CAV1: variants seen among roughly 807,000 people sequenced by gnomAD.
CAV1 encodes caveolin-1.
In CAV1, 10 loss-of-function variants were observed where a neutral mutation model predicts 16.5. That is an observed-to-expected ratio of 0.61 (90% CI 0.37 to 1.03). The LOEUF is 1.03. Among genes scored for constraint, CAV1 ranks in the 50% least tolerant of loss-of-function variants. The pLI is 0.01. For synonymous variants in CAV1, 76 were observed against 85.1 expected, an observed-to-expected ratio of 0.89 and a Z score of 0.59; for missense variants, 212 against 232.8, an observed-to-expected ratio of 0.91 and a Z score of 0.58.
In CAV1 at chr7:116,559,644, C is replaced by T. The variant is rs1198519383; in HGVS notation, c.*357C>T. ...AAAAAAAAAAGAAAAGAACCAACAA[C>T]CTCAACTGCCTACTCCAAAATGTTG... On this transcript the variant is annotated 3_prime_UTR_variant, in exon 3 of 3. Transcript: ENST00000341049. 2.1e-5 allele frequency: 11 copies of T among 530,460 alleles called. No homozygotes were observed. The highest frequency in any genetic ancestry group is 3.3e-5 in the Non-Finnish European group (10 of 306,828). 32.9% of individuals were successfully genotyped at this position (530,460 alleles called of 1,614,324 possible).
rs1372579531 is a variant in CAV1 at position 116,559,220 on chromosome 7, A to T, written c.470A>T (p.Asp157Val). ...TCCATCTACGTCCACACCGTCTGTG[A>T]CCCACTCTTTGAAGCTGTTGGGAAA... ...VYSIYVHTVC[D>V]PLFEAVGKIF... Residue 157 changes from aspartate (D) to valine (V), a missense_variant, in exon 3 of 3, where the codon GAC (aspartate) becomes GTC (valine). By Grantham distance (152) the Asp-to-Val change is radical. Transcript: ENST00000341049. 6.2e-7 allele frequency: 1 copy of T among 1,613,990 alleles called. No individual in the cohort carries two copies. The highest frequency in any genetic ancestry group is 8.5e-7 in the Non-Finnish European group (1 of 1,179,910).
At chr7:116,533,686 C>T (rs1793733680) in intron 2 of CAV1, among the ~76,000 whole-genome samples, 1 of 152,156 alleles carries the variant, frequency 6.6e-6, no homozygotes, top group Admixed American at 6.5e-5. Context: ...TTTCTTTATG[C>T]AGATTCCTTC....
At chr7:116,526,330 C>G in intron 1 of CAV1, 195 bp from the exon 2 acceptor site, 3 of 1,456,936 alleles carry the variant, frequency 2.1e-6, no homozygotes, top group Non-Finnish European at 2.7e-6. Context: ...GCGAGATCCT[C>G]TTAAAAAGCT....
chr7:116,536,169 G>C (rs1562830777), intron 2 of CAV1, among the ~76,000 whole-genome samples: 1 of 152,076 alleles, frequency 6.6e-6, no homozygotes, highest in Non-Finnish European at 1.5e-5. Flanking sequence ...TAGGAGATTG[G>C]GAGGACAAGA....
At chr7:116,557,588 G>C (rs965093453) in intron 2 of CAV1, among the ~76,000 whole-genome samples, 1 of 152,158 alleles carries the variant, frequency 6.6e-6, no homozygotes, top group Non-Finnish European at 1.5e-5. Flanking sequence ...TTAATTGTTT[G>C]GGTGAACATG....
intron 2 of CAV1, among the ~76,000 whole-genome samples, chr7:116,555,544 GAAAGAAAGAAAGAAAGAA>G (rs1562838377): frequency 9.5e-5 from 2 of 21,004 alleles, no homozygotes; most frequent in South Asian, 3.3e-3. Context: ...GAGAGAGAGA[GAAAGAAAGAAAGAAAGAA>G]AGAAAGAAAG....
At chr7:116,527,725 C>T (rs1404314002) in intron 2 of CAV1, among the ~76,000 whole-genome samples, 1 of 152,164 alleles carries the variant, frequency 6.6e-6, no homozygotes, top group East Asian at 1.9e-4. Flanking sequence ...TCCTATACAA[C>T]CCCCAGCAAT....
intron 2 of CAV1, among the ~76,000 whole-genome samples, chr7:116,548,808 C>T (rs566080819): frequency 6.6e-6 from 1 of 152,260 alleles, no homozygotes; most frequent in South Asian, 2.1e-4. Flanking sequence ...TAATACCTGC[C>T]TTGCAGGTCC....
At chr7:116,531,450 A>G (rs1793684352) in intron 2 of CAV1, among the ~76,000 whole-genome samples, 2 of 152,254 alleles carry the variant, frequency 1.3e-5, no homozygotes, top group South Asian at 4.1e-4. Flanking sequence ...TTTTGGTTAT[A>G]GTACAAAGGT....
chr7:116,537,600 C>T (rs1448929216), intron 2 of CAV1, among the ~76,000 whole-genome samples: 1 of 152,170 alleles, frequency 6.6e-6, no homozygotes, highest in African/African-American at 2.4e-5. Flanking sequence ...TAACCACTGT[C>T]CTCCAGTGCC....
intron 2 of CAV1, 48 bp from the exon 3 acceptor site, chr7:116,558,898 C>A: frequency 9.2e-6 from 13 of 1,409,464 alleles, no homozygotes; most frequent in Non-Finnish European, 1.3e-5. Flanking sequence ...GGTTTTTTTT[C>A]TCTTTTCTTC....
intron 2 of CAV1, among the ~76,000 whole-genome samples, chr7:116,540,789 A>C (rs967997387): frequency 6.6e-6 from 1 of 152,252 alleles, no homozygotes; most frequent in South Asian, 2.1e-4. Flanking sequence ...CAGATATGTT[A>C]AGTAGGCAAC....
intron 2 of CAV1, among the ~76,000 whole-genome samples, chr7:116,546,288 A>G (rs966678466): frequency 1.5e-4 from 23 of 152,140 alleles, no homozygotes; most frequent in Admixed American, 3.9e-4. Flanking sequence ...GTGATAATGA[A>G]CACGTGAGGC....
chr7:116,538,091 C>T (rs567090761), intron 2 of CAV1, among the ~76,000 whole-genome samples: 2 of 152,198 alleles, frequency 1.3e-5, no homozygotes, highest in South Asian at 4.1e-4. Flanking sequence ...CTGACAGGTA[C>T]TTTGCACTAA....
intron 2 of CAV1, among the ~76,000 whole-genome samples, chr7:116,555,213 C>T (rs1794233897): frequency 6.6e-6 from 1 of 151,918 alleles, no homozygotes; most frequent in Non-Finnish European, 1.5e-5. Context: ...GAGGCCAAGG[C>T]AGGAGAACTG....
At chr7:116,553,256 C>T (rs1794199042) in intron 2 of CAV1, among the ~76,000 whole-genome samples, 1 of 152,054 alleles carries the variant, frequency 6.6e-6, no homozygotes, top group Non-Finnish European at 1.5e-5. Context: ...ATGAAATCTT[C>T]TGAGATTTAC....
chr7:116,528,312 G>A (rs1793612991), intron 2 of CAV1, among the ~76,000 whole-genome samples: 1 of 152,154 alleles, frequency 6.6e-6, no homozygotes, highest in Non-Finnish European at 1.5e-5. Flanking sequence ...ACTGGGAAAA[G>A]AGACTTCAAC....
intron 2 of CAV1, among the ~76,000 whole-genome samples, chr7:116,555,483 GAAAAGAAAGAAA>G (rs1562837922): frequency 7.8e-4 from 12 of 15,392 alleles, no homozygotes; most frequent in East Asian, 4.1e-3. Context: ...AAGGAGGAAA[GAAAAGAAAGAAA>G]GAAAGAAAGA....
rs1175799632 is a variant in CAV1 at position 116,559,163 on chromosome 7, T to C, written c.413T>C (p.Leu138Pro). Reference protein sequence around the residue: ...WAVVPCIKSFLIEIQCISRVY... With the variant: ...WAVVPCIKSFPIEIQCISRVY... ...GTTGTACCATGCATTAAGAGCTTCC[T>C]GATTGAGATTCAGTGCATCAGCCGT... The change falls in exon 3 of 3, where the codon CTG becomes CCG. Residue 138 changes from leucine (L) to proline (P), a missense_variant. Leu to Pro is a moderately conservative substitution (Grantham distance 98). Coordinates refer to ENST00000341049, the MANE Select transcript of CAV1 (RefSeq NM_001753.5). The C allele has an allele frequency of 6.2e-7, 1 of 1,613,978 alleles. No individual in the cohort carries two copies.
Sources: gnomAD v4.1 joint callset for allele counts (sites outside exome capture counted in the v4.1 genomes callset) on GRCh38, gnomAD v4.1.1 for gene constraint, MANE v1.5 for transcripts, NCBI Gene and HGNC (gene_info 2026-07-23, HGNC 2026-07-21) for gene names.